CEP128: variants seen among roughly 807,000 people sequenced by gnomAD.
The protein encoded by CEP128 is centrosomal protein 128kDa.
CEP128 carries 132 observed loss-of-function variants against 156.7 expected under a neutral mutation model. The observed-to-expected ratio is 0.84, with a 90% CI of 0.73 to 0.97. The LOEUF is 0.97. CEP128 is among the 50% of genes least tolerant of loss of function. The probability of loss-of-function intolerance (pLI) is 0.00; values close to 1 mark genes in which losing one functional copy is unlikely to be tolerated. For synonymous variants in CEP128, 469 were observed against 448.9 expected (o/e 1.04, Z -0.57); for missense variants, 1,252 against 1,281.9 (o/e 0.98, Z 0.36).
intron 21 of CEP128, among the ~76,000 whole-genome samples, chr14:80,536,691 T>A (rs1889499171): frequency 6.6e-6 from 1 of 152,200 alleles, no homozygotes; most frequent in South Asian, 2.1e-4. Context: ...GGGCCCTGTT[T>A]TCCAAACTGT....
chr14:80,533,993 T>C (rs969659847), intron 21 of CEP128, among the ~76,000 whole-genome samples: 1 of 152,196 alleles, frequency 6.6e-6, no homozygotes, highest in Non-Finnish European at 1.5e-5. Flanking sequence ...TTTAAGGGAA[T>C]TGCATGCACA....
At chr14:80,860,286 T>C (rs1887453313) in intron 9 of CEP128, among the ~76,000 whole-genome samples, 1 of 152,204 alleles carries the variant, frequency 6.6e-6, no homozygotes, top group South Asian at 2.1e-4. Context: ...ACTGCTTATA[T>C]TAAAGTAACA....
At chr14:80,634,869 A>C (rs1003396977) in intron 19 of CEP128, among the ~76,000 whole-genome samples, 7 of 152,156 alleles carry the variant, frequency 4.6e-5, no homozygotes, top group African/African-American at 1.7e-4. Context: ...ATGTCAGGAT[A>C]ACTTCCCTTA....
intron 19 of CEP128, among the ~76,000 whole-genome samples, chr14:80,592,693 C>T (rs1382715372): frequency 3.3e-5 from 5 of 152,000 alleles, no homozygotes; most frequent in African/African-American, 1.2e-4. Context: ...GGAGACACAA[C>T]AAAAAAAGAA....
chr14:80,535,630 CACAT>C lies in CEP128; in HGVS notation c.2881-4748_2881-4745del, dbSNP rs201706605. Reference sequence around the variant, plus strand: ...ATGCACACACTCACACACACACACACACATGGGGTCTGGATAGTGTTTCTGTTGA... The same window carrying C: ...ATGCACACACTCACACACACACACACGGGGTCTGGATAGTGTTTCTGTTGA... On this transcript the variant is annotated intron_variant, in intron 21 of 24. Coordinates refer to ENST00000555265, the MANE Select transcript of CEP128 (RefSeq NM_152446.5). Among the ~76,000 whole-genome samples the C allele has an allele frequency of 5.2e-3, 791 of 151,318 alleles. 7 individuals are homozygous for C. Among genetic ancestry groups the C allele is most frequent in the African/African-American group, 0.019 (757 of 40,852 alleles).
chr14:80,751,237 T>C (rs1028304839), intron 18 of CEP128, among the ~76,000 whole-genome samples: 2 of 152,374 alleles, frequency 1.3e-5, no homozygotes, highest in African/African-American at 4.8e-5. Flanking sequence ...GAAGACTTTA[T>C]TCCATTGTCA....
chr14:80,832,150 C>G (rs1393954881), intron 12 of CEP128, among the ~76,000 whole-genome samples: 2 of 152,184 alleles, frequency 1.3e-5, no homozygotes, highest in African/African-American at 4.8e-5. Context: ...TTTCCTTTGC[C>G]TTCCATCATG....
At chr14:80,678,542 T>G (rs1329144281) in intron 19 of CEP128, among the ~76,000 whole-genome samples, 3 of 152,132 alleles carry the variant, frequency 2.0e-5, no homozygotes, top group Admixed American at 6.5e-5. Context: ...AAAATGGGAA[T>G]CCGCTGGAAT....
chr14:80,879,822 G>A (rs2556611), intron 8 of CEP128, among the ~76,000 whole-genome samples: 74,558 of 151,828 alleles, frequency 0.49, 18,785 homozygotes, highest in African/African-American at 0.56. Flanking sequence ...CCAGATCTAC[G>A]AAGCTCAAAT....
intron 19 of CEP128, among the ~76,000 whole-genome samples, chr14:80,718,916 TCTC>T (rs1897709948): frequency 6.6e-6 from 1 of 152,220 alleles, no homozygotes; most frequent in African/African-American, 2.4e-5. Context: ...CTGACAGTTT[TCTC>T]TTCTTCACAT....
rs1310315819 is a variant in CEP128, at chr14:80,955,862, G to C, written c.-172+2316C>G. ...AGTACGCAGACTCTGTGAGTACCCGGGAGAGATCAGGGTAGGACCCAGAGA... is the reference window on the plus strand; with the variant it reads ...AGTACGCAGACTCTGTGAGTACCCGCGAGAGATCAGGGTAGGACCCAGAGA... On this transcript the variant is annotated intron_variant, in intron 2 of 7. Transcript: ENST00000555529. 4 of 1,613,968 alleles carry C rather than the reference G, an allele frequency of 2.5e-6. No individual in the cohort carries two copies. The African/African-American group carries it at 4.0e-5, about 16-fold the overall frequency.
At chr14:80,513,106 C>G (rs1365315727) in intron 23 of CEP128, among the ~76,000 whole-genome samples, 1 of 151,964 alleles carries the variant, frequency 6.6e-6, no homozygotes, top group African/African-American at 2.4e-5. Context: ...TTGTTAATAT[C>G]CTTTTACGTC....
chr14:80,652,475 A>C (rs771181441), intron 19 of CEP128, among the ~76,000 whole-genome samples: 8 of 152,184 alleles, frequency 5.3e-5, no homozygotes, highest in Non-Finnish European at 5.9e-5. Flanking sequence ...CAGAATCTAC[A>C]AGCAACTTAA....
intron 19 of CEP128, among the ~76,000 whole-genome samples, chr14:80,599,071 T>C (rs979001942): frequency 3.3e-5 from 5 of 152,158 alleles, no homozygotes; most frequent in South Asian, 2.1e-4. Flanking sequence ...ATCTCTCTTA[T>C]TATTTCTTAC....
chr14:80,535,624 CACACACACAT>C (rs1228544672), intron 21 of CEP128, among the ~76,000 whole-genome samples: 1 of 150,934 alleles, frequency 6.6e-6, no homozygotes, highest in African/African-American at 2.5e-5. Context: ...CTCACACACA[CACACACACAT>C]GGGGTCTGGA....
intron 16 of CEP128, among the ~76,000 whole-genome samples, chr14:80,766,046 T>C (rs1445861170): frequency 6.6e-6 from 1 of 152,172 alleles, no homozygotes; most frequent in Non-Finnish European, 1.5e-5. Context: ...TATGACATAT[T>C]GACATATTCA....
intron 19 of CEP128, among the ~76,000 whole-genome samples, chr14:80,724,555 A>G (rs949891973): frequency 8.5e-5 from 13 of 152,112 alleles, no homozygotes; most frequent in Admixed American, 5.2e-4. Flanking sequence ...GAAAAAGAAA[A>G]GGTAAAAATC....
At chr14:80,713,416 T>G (rs890678736) in intron 19 of CEP128, among the ~76,000 whole-genome samples, 1 of 151,946 alleles carries the variant, frequency 6.6e-6, no homozygotes, top group African/African-American at 2.4e-5. Flanking sequence ...TCTATGACTT[T>G]GTGTGTAGGC....
chr14:80,852,538 T>TGAA (rs1886945044), intron 9 of CEP128, among the ~76,000 whole-genome samples: 2 of 151,796 alleles, frequency 1.3e-5, no homozygotes, highest in Admixed American at 1.3e-4. Flanking sequence ...CAGAAGTTAA[T>TGAA]GAAGCAATAA....
Sources: gnomAD v4.1 joint callset for allele counts (sites outside exome capture counted in the v4.1 genomes callset) on GRCh38, gnomAD v4.1.1 for gene constraint, MANE v1.5 for transcripts, NCBI Gene and HGNC (gene_info 2026-07-23, HGNC 2026-07-21) for gene names.